RPS6KA2: variants seen among roughly 807,000 people sequenced by gnomAD.
RPS6KA2 encodes the protein ribosomal protein S6 kinase alpha-2.
Under a neutral mutation model 91.8 loss-of-function variants are expected in RPS6KA2, and 42 were observed. That is an observed-to-expected ratio of 0.46 (90% CI 0.36 to 0.59). The LOEUF is 0.59. Among genes scored for constraint, RPS6KA2 ranks in the 20% least tolerant of loss-of-function variants. RPS6KA2 has a pLI of 0.00. For missense variants in RPS6KA2, 798 were observed against 978.5 expected, an observed-to-expected ratio of 0.82 and a Z score of 2.46; for synonymous variants, 414 against 393.6, an observed-to-expected ratio of 1.05 and a Z score of -0.61.
chr6:166,731,972 T>G (rs1790538576), intron 2 of RPS6KA2, among the ~76,000 whole-genome samples: 1 of 152,196 alleles, frequency 6.6e-6, no homozygotes, highest in Non-Finnish European at 1.5e-5. Context: ...TTAATAAATA[T>G]TCTTTCAAAG....
At position 166,418,195 on chromosome 6, in the gene RPS6KA2, T is replaced by A. The variant is rs1347428537; in HGVS notation, c.1938+30A>T. On this transcript the variant is annotated intron_variant, in intron 19 of 20. Transcript: ENST00000265678. This position sits in a 1 kb window ranked among gnomAD's most constrained non-coding sequence, Gnocchi z 4.9. ...ATATGGCTATTTCAGAATCTGAATATTTAAAAGCAACGCTGGGACATGTAC... is the reference window on the plus strand; with the variant it reads ...ATATGGCTATTTCAGAATCTGAATAATTAAAAGCAACGCTGGGACATGTAC... 4.2e-6 allele frequency: 6 copies of A among 1,434,632 alleles called. No homozygotes were observed. Among genetic ancestry groups the A allele is most frequent in the Non-Finnish European group, 5.8e-6 (6 of 1,025,946 alleles). The allele number at this position is 1,434,632 out of a possible 1,614,324, so 88.9% of individuals were successfully genotyped here.
At chr6:166,859,538 C>T (rs963757757) in intron 1 of RPS6KA2, among the ~76,000 whole-genome samples, 5 of 152,212 alleles carry the variant, frequency 3.3e-5, no homozygotes, top group African/African-American at 1.2e-4. Context: ...TCTTAATGAG[C>T]ACGTTGCCTT....
At position 166,498,545 on chromosome 6, in the gene RPS6KA2, G is replaced by A. The variant is rs757805752; in HGVS notation, c.710C>T (p.Thr237Met). The A allele has an allele frequency of 1.4e-5, 23 of 1,613,376 alleles. No homozygotes were observed. Among genetic ancestry groups the A allele is most frequent in the East Asian group, 8.9e-5 (4 of 44,890 alleles). The change falls in exon 8 of 21, where the codon ACG becomes ATG. Residue 237 changes from threonine (T) to methionine (M), a missense_variant. Physicochemically the swap from Thr to Met is moderately conservative, Grantham distance 81. Coordinates refer to ENST00000265678, the MANE Select transcript of RPS6KA2 (RefSeq NM_021135.6). ...APEVVNRRGH[T>M]QSADWWSFGV... is the part of the protein sequence containing the mutation. Reference sequence around the variant, plus strand: ...GAAGGACCACCAGTCGGCACTCTGCGTGTGTCCTCGCCGGTTCACCACCTC... The same window carrying A: ...GAAGGACCACCAGTCGGCACTCTGCATGTGTCCTCGCCGGTTCACCACCTC...
intron 1 of RPS6KA2, among the ~76,000 whole-genome samples, chr6:166,620,061 C>T (rs770327624): frequency 3.3e-5 from 5 of 152,188 alleles, no homozygotes; most frequent in Admixed American, 6.5e-5. Flanking sequence ...AGAATGTTAC[C>T]GTGCACTTCG....
chr6:166,546,794 A>G (rs1783842109), intron 1 of RPS6KA2, among the ~76,000 whole-genome samples: 1 of 152,224 alleles, frequency 6.6e-6, no homozygotes, highest in African/African-American at 2.4e-5. Flanking sequence ...TGTTTGGTCA[A>G]TACCTCTACC....
chr6:166,776,321 AAG>A (rs1458746477), intron 2 of RPS6KA2, among the ~76,000 whole-genome samples: 1 of 152,228 alleles, frequency 6.6e-6, no homozygotes, highest in African/African-American at 2.4e-5. Context: ...GGAGGACTGG[AAG>A]AGAGAGAATG....
chr6:166,836,858 G>A (rs917018107), intron 2 of RPS6KA2, among the ~76,000 whole-genome samples: 8 of 152,154 alleles, frequency 5.3e-5, no homozygotes, highest in African/African-American at 1.2e-4. Flanking sequence ...ACCCAAGCTG[G>A]CCCACCTCGG....
At chr6:166,565,917 T>A (rs1460926860) in intron 1 of RPS6KA2, among the ~76,000 whole-genome samples, 2 of 152,222 alleles carry the variant, frequency 1.3e-5, no homozygotes, top group African/African-American at 4.8e-5. Flanking sequence ...GGCAGCGACA[T>A]CACAGGAGGA....
At chr6:166,471,640 C>T (rs1780772834) in intron 10 of RPS6KA2, among the ~76,000 whole-genome samples, 1 of 152,266 alleles carries the variant, frequency 6.6e-6, no homozygotes, top group Admixed American at 6.5e-5. Flanking sequence ...AGCACACGGA[C>T]ATCTCAGTCA....
At chr6:166,452,979 C>T (rs7741232) in intron 12 of RPS6KA2, among the ~76,000 whole-genome samples, 35,523 of 151,930 alleles carry the variant, frequency 0.23, 4,624 homozygotes, top group Middle Eastern at 0.35. Context: ...GCAGGTGGAT[C>T]ACTAGGTCAG....
chr6:166,791,823 C>T (rs1184567041), intron 2 of RPS6KA2, among the ~76,000 whole-genome samples: 1 of 151,494 alleles, frequency 6.6e-6, no homozygotes. Flanking sequence ...CCAACGAGAA[C>T]AAAGACACAA....
At chr6:166,741,223 T>C (rs925533203) in intron 2 of RPS6KA2, among the ~76,000 whole-genome samples, 1 of 152,238 alleles carries the variant, frequency 6.6e-6, no homozygotes, top group African/African-American at 2.4e-5. Context: ...ACATTGCTTA[T>C]ATGTAAAGAC....
rs1218366224 is a variant in RPS6KA2 at position 166,557,016 on chromosome 6, C to T, written c.100-18232G>A. Among the ~76,000 whole-genome samples, 3 of 152,242 alleles carry T rather than the reference C, an allele frequency of 2.0e-5. No individual in the cohort carries two copies. Among genetic ancestry groups the T allele is most frequent in the Non-Finnish European group, 4.4e-5 (3 of 68,048 alleles). On this transcript the variant is annotated intron_variant, in intron 1 of 20. Transcript: ENST00000265678. The surrounding 1 kb of genome is among the most constrained non-coding windows in gnomAD (Gnocchi z 4.8). Reference sequence around the variant, plus strand: ...AGTTCTCAGGCAAGTGCCAAGAAACCTGCATGCCAGCAACCAGACCACGGG... The same window carrying T: ...AGTTCTCAGGCAAGTGCCAAGAAACTTGCATGCCAGCAACCAGACCACGGG...
chr6:166,734,612 A>G (rs542174308), intron 2 of RPS6KA2, among the ~76,000 whole-genome samples: 3 of 152,260 alleles, frequency 2.0e-5, no homozygotes, highest in Admixed American at 6.5e-5. Context: ...AAGAAAGTCA[A>G]TGAATTTAAG....
At chr6:166,641,459 C>T (rs1350092046) in intron 2 of RPS6KA2, among the ~76,000 whole-genome samples, 1 of 151,694 alleles carries the variant, frequency 6.6e-6, no homozygotes, top group African/African-American at 2.4e-5. Flanking sequence ...TGTGGTGGCT[C>T]ATGCTTATAA....
At chr6:166,780,874 A>G (rs764070687) in intron 2 of RPS6KA2, among the ~76,000 whole-genome samples, 2 of 152,226 alleles carry the variant, frequency 1.3e-5, no homozygotes, top group Non-Finnish European at 2.9e-5. Context: ...AATATCTTGT[A>G]ACACCCCAGG....
At position 166,493,885 on chromosome 6, in the gene RPS6KA2, G is replaced by A. The variant is rs6935893; in HGVS notation, c.748-3144C>T. 6.6e-6 allele frequency among the ~76,000 whole-genome samples: 1 copy of A among 152,184 alleles called. No homozygotes were observed. Among genetic ancestry groups the A allele is most frequent in the Non-Finnish European group, 1.5e-5 (1 of 68,046 alleles). On this transcript the variant is annotated intron_variant, in intron 8 of 20. Transcript: ENST00000265678. The surrounding 1 kb of genome is among the most constrained non-coding windows in gnomAD (Gnocchi z 4.7). ...CGACCTCAACAGTGCTGGCTGAGAA[G>A]CCCTGTCTAAAGGGACAGCTAAGGA...
rs1036014104 is a variant in RPS6KA2, at chr6:166,665,689, T to C, written c.124-126905A>G. ...TGCTACTGAAGGTCTCCCAGCAAGC[T>C]GCAGGCGGCCCTGACCAAGCTTAGG... On this transcript the variant is annotated intron_variant, in intron 2 of 21. Coordinates refer to the RPS6KA2 transcript ENST00000503859. The surrounding 1 kb of genome is among the most constrained non-coding windows in gnomAD (Gnocchi z 4.5). Among the ~76,000 whole-genome samples the C allele has an allele frequency of 5.3e-5, 8 of 152,200 alleles. No individual in the cohort carries two copies. The highest frequency in any genetic ancestry group is 1.3e-4 in the Admixed American group (2 of 15,288).
intron 2 of RPS6KA2, among the ~76,000 whole-genome samples, chr6:166,656,433 G>A (rs1228100953): frequency 6.6e-6 from 1 of 152,158 alleles, no homozygotes; most frequent in Non-Finnish European, 1.5e-5. Flanking sequence ...TTCACCCCAG[G>A]GGCCTCCCCT....
Sources: gnomAD v4.1 joint callset for allele counts (sites outside exome capture counted in the v4.1 genomes callset) on GRCh38, gnomAD v4.1.1 for gene constraint, Gnocchi (gnomAD v3.1) non-coding constraint, MANE v1.5 for transcripts, NCBI Gene and HGNC (gene_info 2026-07-23, HGNC 2026-07-21) for gene names.